The following MAP2 variants were observed in gnomAD, a reference collection of about 807,000 sequenced individuals.
The protein encoded by MAP2 is microtubule-associated protein 2.
A neutral mutation model predicts 137.6 loss-of-function variants in MAP2; 14 were observed. That is an observed-to-expected ratio of 0.10 (90% CI 0.07 to 0.16). MAP2 has a LOEUF of 0.16. MAP2 is among the 10% of genes least tolerant of loss of function. The pLI is 1.00. For missense variants in MAP2, 2,088 were observed against 2,191.5 expected (o/e 0.95, Z 0.94); for synonymous variants, 786 against 782.3 (o/e 1.00, Z -0.08).
intron 1 of MAP2, among the ~76,000 whole-genome samples, chr2:209,506,897 A>G (rs2061142737): frequency 6.6e-6 from 1 of 152,204 alleles, no homozygotes; most frequent in Non-Finnish European, 1.5e-5. Context: ...ATAAAAGAAC[A>G]GAAATTTATT....
At position 209,694,082 on chromosome 2, in the gene MAP2, A is replaced by G; in HGVS notation, c.1912A>G (p.Ser638Gly). Residue 638 changes from serine to glycine, a missense_variant, in exon 8 of 16, where the codon AGC becomes GGC. By Grantham distance (56) the Ser-to-Gly change is moderately conservative. Transcript: ENST00000682079. ...TCCTCCAGCACAAGAAGCAGGGTAC[A>G]GCACTCTCGCACAGAGTTATCCATC... ...PSPPAQEAGY[S>G]TLAQSYPSDL... The G allele has an allele frequency of 6.2e-7, 1 of 1,613,728 alleles. No homozygotes were observed.
chr2:209,637,850 C>T (rs940812885), intron 4 of MAP2, among the ~76,000 whole-genome samples: 1 of 151,954 alleles, frequency 6.6e-6, no homozygotes, highest in African/African-American at 2.4e-5. Context: ...TTAATATTAA[C>T]TTAATCTTTT....
intron 2 of MAP2, among the ~76,000 whole-genome samples, chr2:209,554,909 T>C (rs1156907128): frequency 6.8e-6 from 1 of 148,130 alleles, no homozygotes; most frequent in Non-Finnish European, 1.5e-5. Flanking sequence ...TTAAATATAA[T>C]ATATACACAT....
chr2:209,616,692 ACAGT>A (rs59651615), intron 3 of MAP2, among the ~76,000 whole-genome samples: 25,725 of 151,924 alleles, frequency 0.17, 3,144 homozygotes, highest in African/African-American at 0.35. Flanking sequence ...TAATAAGAAA[ACAGT>A]CAGTCTTTCT....
intron 2 of MAP2, among the ~76,000 whole-genome samples, chr2:209,537,970 T>C (rs1453924818): frequency 2.0e-5 from 3 of 152,216 alleles, no homozygotes; most frequent in Non-Finnish European, 4.4e-5. Context: ...GATCTTCAGA[T>C]AGGTAATAGT....
chr2:209,700,151 A>G (rs2061397625), intron 10 of MAP2, 126 bp from the exon 11 acceptor site: 1 of 673,352 alleles, frequency 1.5e-6, no homozygotes, highest in African/African-American at 1.8e-5. Flanking sequence ...TTTGAGTCTC[A>G]TAATAAGCAA....
intron 2 of MAP2, among the ~76,000 whole-genome samples, chr2:209,527,180 A>T (rs1559278993): frequency 6.6e-6 from 1 of 152,052 alleles, no homozygotes; most frequent in Non-Finnish European, 1.5e-5. Context: ...TTCCTGTATC[A>T]CCCTGTGTAG....
rs183991891 is a variant in MAP2, at chr2:209,554,341, G to A, written c.-171-25695G>A. ...AATTTAGCCCACTACTCTGGCCACA[G>A]CGTCCTATATTCTAGGACTGGTCTT... On this transcript the variant is annotated intron_variant, in intron 2 of 15. Transcript: ENST00000682079. 1.4e-3 allele frequency among the ~76,000 whole-genome samples: 210 copies of A among 152,242 alleles called. 1 individual carries two copies. Among genetic ancestry groups the A allele is most frequent in the African/African-American group, 5.0e-3 (207 of 41,550 alleles).
In MAP2 at chr2:209,704,072, A is replaced by T. The variant is rs1356210495; in HGVS notation, c.4585-1508A>T. 4.8e-5 allele frequency: 22 copies of T among 453,724 alleles called. No individual in the cohort carries two copies. The Admixed American group carries it at 5.2e-4, about 11-fold the overall frequency. 28.1% of individuals were successfully genotyped at this position (453,724 alleles called of 1,614,324 possible). ...ATTGATTCCATCATCCAAATAGTGA[A>T]CATAGTTCCCAATAGGAACTTCCCA... On this transcript the variant is annotated intron_variant, in intron 11 of 15. Transcript: ENST00000682079.
Position 209,695,957 on chromosome 2 carries a change from T to C in MAP2, c.3787T>C (p.Ser1263Pro). The change falls in exon 8 of 16, where the codon TCA becomes CCA. Residue 1263 changes from serine to proline, a missense_variant. By Grantham distance (74) the Ser-to-Pro change is moderately conservative. Coordinates refer to ENST00000682079, the MANE Select transcript of MAP2 (RefSeq NM_001375505.1). The stretch of plus-strand genomic sequence containing the variant: ...CCTTCAGATAACTGACCTGGGTGTC[T>C]CAGGTGCCAGGGAGGAATTTGTGGA... ...DTLQITDLGVSGAREEFVETC... is the reference protein window; with the variant it reads ...DTLQITDLGVPGAREEFVETC... 1.9e-6 allele frequency: 3 copies of C among 1,614,046 alleles called. No homozygotes were observed. The highest frequency in any genetic ancestry group is 1.7e-6 in the Non-Finnish European group (2 of 1,179,978).
At chr2:209,577,156 C>T (rs1476475843) in intron 2 of MAP2, among the ~76,000 whole-genome samples, 1 of 151,744 alleles carries the variant, frequency 6.6e-6, no homozygotes, top group African/African-American at 2.4e-5. Context: ...ACCTCATTAT[C>T]CAAAATCACT....
At chr2:209,597,446 T>A (rs989761993) in intron 3 of MAP2, among the ~76,000 whole-genome samples, 1 of 152,206 alleles carries the variant, frequency 6.6e-6, no homozygotes, top group African/African-American at 2.4e-5. Flanking sequence ...TTCTTTATGC[T>A]CACGTGAACT....
rs2068820703 is a variant in MAP2 at position 209,549,875 on chromosome 2, C to T, written c.-171-30161C>T. Among the ~76,000 whole-genome samples, 3 of 152,320 alleles carry T rather than the reference C, an allele frequency of 2.0e-5. No homozygotes were observed. The South Asian group carries it at 6.2e-4, about 32-fold the overall frequency. The stretch of plus-strand genomic sequence containing the variant: ...ACACTTTAAAACCAGCTCTAGCATA[C>T]TTAGCTTCTCTTTCTCACCCTCTGG... On this transcript the variant is annotated intron_variant, in intron 2 of 15. Transcript: ENST00000682079.
rs116794842 is a variant in MAP2 at position 209,501,397 on chromosome 2, G to C, written c.-221-6195G>C. ...TGACATAGGCTTTATAATGTTATCT[G>C]ACCATCACAATATGATTTATAATAT... On this transcript the variant is annotated intron_variant, in intron 1 of 15. Coordinates refer to ENST00000682079, the MANE Select transcript of MAP2 (RefSeq NM_001375505.1). Among the ~76,000 whole-genome samples the C allele has an allele frequency of 8.2e-3, 1,249 of 152,228 alleles. 10 individuals carry two copies. The highest frequency in any genetic ancestry group is 0.017 in the Middle Eastern group (5 of 294).
At chr2:209,439,695 T>A (rs1378366483) in intron 1 of MAP2, among the ~76,000 whole-genome samples, 1 of 151,432 alleles carries the variant, frequency 6.6e-6, no homozygotes, top group Non-Finnish European at 1.5e-5. Context: ...ACATAAGAGA[T>A]GCATATCACT....
chr2:209,431,313 G>A (rs1245166221), intron 1 of MAP2, among the ~76,000 whole-genome samples: 13 of 151,966 alleles, frequency 8.6e-5, no homozygotes, highest in Admixed American at 7.9e-4. Flanking sequence ...ACTTTTTGTA[G>A]CCCTGTTAAT....
intron 5 of MAP2, among the ~76,000 whole-genome samples, chr2:209,664,557 A>T (rs2045349130): frequency 6.6e-6 from 1 of 152,110 alleles, no homozygotes; most frequent in Admixed American, 6.5e-5. Flanking sequence ...TCAAACAAAA[A>T]AACAAAAAGA....
intron 7 of MAP2, among the ~76,000 whole-genome samples, chr2:209,683,309 G>A (rs190249057): frequency 9.1e-4 from 139 of 152,202 alleles, no homozygotes; most frequent in Middle Eastern, 6.8e-3. Context: ...TTATTTTCAA[G>A]CCAAACTTGT....
At chr2:209,656,288 A>G (rs1303549277) in intron 5 of MAP2, among the ~76,000 whole-genome samples, 1 of 152,000 alleles carries the variant, frequency 6.6e-6, no homozygotes. Context: ...GGCTGAGGTG[A>G]GTAGATTGCT....
Sources: gnomAD v4.1 joint callset for allele counts (sites outside exome capture counted in the v4.1 genomes callset) on GRCh38, gnomAD v4.1.1 for gene constraint, MANE v1.5 for transcripts, NCBI Gene and HGNC (gene_info 2026-07-23, HGNC 2026-07-21) for gene names.